Variants in BCKDHB observed in about 807,000 individuals in gnomAD.
BCKDHB encodes 2-oxoisovalerate dehydrogenase subunit beta, mitochondrial.
In BCKDHB, 41 loss-of-function variants were observed where a neutral mutation model predicts 48.5. That is an observed-to-expected ratio of 0.85 (90% confidence interval 0.66 to 1.10). BCKDHB has a LOEUF of 1.10. BCKDHB is among the 50% of genes least tolerant of loss of function. The pLI is 0.00. For missense variants in BCKDHB, 496 were observed against 494.2 expected, an observed-to-expected ratio of 1.00 and a Z score of -0.03; for synonymous variants, 201 against 174.8, an observed-to-expected ratio of 1.15 and a Z score of -1.18.
rs939467268 is a variant in BCKDHB, at chr6:80,198,565, C to T, written c.743-2369C>T. On this transcript the variant is annotated intron_variant, in intron 6 of 9. Coordinates refer to ENST00000320393, the MANE Select transcript of BCKDHB (RefSeq NM_183050.4). ...CAAGGAATAAAATTCACCACTCTAT[C>T]ACCCATAAAGCACCCATTACATTTA... Among the ~76,000 whole-genome samples, 11 of 152,118 alleles carry T rather than the reference C, an allele frequency of 7.2e-5. 1 individual carries two copies. The South Asian group carries it at 1.9e-3, about 26-fold the overall frequency.
chr6:80,436,881 T>C, the BCKDHB span, among the ~76,000 whole-genome samples: 1 of 152,176 alleles, frequency 6.6e-6, no homozygotes, highest in Non-Finnish European at 1.5e-5. Context: ...AAACTACAGG[T>C]TGATTGTCAC....
chr6:80,381,288 G>A, the BCKDHB span, among the ~76,000 whole-genome samples: 2 of 151,892 alleles, frequency 1.3e-5, no homozygotes, highest in Non-Finnish European at 2.9e-5. Flanking sequence ...ACTGCCAAAA[G>A]TTCTATATGC....
intron 8 of BCKDHB, among the ~76,000 whole-genome samples, chr6:80,206,532 C>G (rs1774668430): frequency 6.8e-6 from 1 of 147,182 alleles, no homozygotes; most frequent in African/African-American, 2.6e-5. Context: ...GAGAATTACC[C>G]TAGAAAGTTT....
At chr6:80,400,803 T>A in the BCKDHB span, among the ~76,000 whole-genome samples, 1 of 151,948 alleles carries the variant, frequency 6.6e-6, no homozygotes, top group Non-Finnish European at 1.5e-5. Flanking sequence ...GGCAAACATA[T>A]GGAATCAACC....
At chr6:80,137,391 CTATT>C (rs1337041399) in intron 3 of BCKDHB, among the ~76,000 whole-genome samples, 7 of 152,140 alleles carry the variant, frequency 4.6e-5, no homozygotes, top group Middle Eastern at 3.4e-3. Flanking sequence ...ATTTATTTCT[CTATT>C]TATTTGTTTA....
At chr6:80,268,004 T>C (rs1484412123) in intron 8 of BCKDHB, among the ~76,000 whole-genome samples, 2 of 152,046 alleles carry the variant, frequency 1.3e-5, no homozygotes, top group African/African-American at 4.8e-5. Flanking sequence ...AAAATGGAGT[T>C]TTCAAGACAT....
the BCKDHB span, among the ~76,000 whole-genome samples, chr6:80,359,607 T>C: frequency 1.3e-5 from 2 of 152,178 alleles, no homozygotes; most frequent in African/African-American, 4.8e-5. Flanking sequence ...TGTTTGTTTG[T>C]TTTTTGAGAT....
At chr6:80,107,516 T>TATATATATATATGC (rs1562050463) in intron 1 of BCKDHB, among the ~76,000 whole-genome samples, 2 of 46,574 alleles carry the variant, frequency 4.3e-5, no homozygotes, top group Non-Finnish European at 4.1e-5. Flanking sequence ...TATGTGCGCA[T>TATATATATATATGC]ATATATATAT....
At chr6:80,144,279 G>A (rs1771363959) in intron 3 of BCKDHB, among the ~76,000 whole-genome samples, 1 of 152,168 alleles carries the variant, frequency 6.6e-6, no homozygotes, top group Non-Finnish European at 1.5e-5. Flanking sequence ...CATAAGTCCA[G>A]TAAGGCAACT....
intron 8 of BCKDHB, among the ~76,000 whole-genome samples, chr6:80,218,607 A>AT (rs1196666249): frequency 6.6e-6 from 1 of 151,520 alleles, no homozygotes; most frequent in African/African-American, 2.4e-5. Flanking sequence ...CCTGTATTTT[A>AT]TTTTTTCTAC....
chr6:80,282,611 A>G (rs1766392635), intron 9 of BCKDHB, among the ~76,000 whole-genome samples: 1 of 152,148 alleles, frequency 6.6e-6, no homozygotes, highest in Non-Finnish European at 1.5e-5. Context: ...TAATATTTGC[A>G]TGAATAAAAT....
chr6:80,388,673 C>T, the BCKDHB span, among the ~76,000 whole-genome samples: 12 of 152,178 alleles, frequency 7.9e-5, no homozygotes, highest in Non-Finnish European at 1.6e-4. Flanking sequence ...CTTCTCCTGC[C>T]ACCCTGCCTT....
chr6:80,129,274 T>C (rs1399621212), intron 3 of BCKDHB, 45 bp downstream of exon 3: 1 of 1,481,062 alleles, frequency 6.8e-7, no homozygotes, highest in Non-Finnish European at 9.4e-7. Flanking sequence ...GAACTTTTAC[T>C]AAAAGATCTT....
At chr6:80,366,612 C>A in the BCKDHB span, among the ~76,000 whole-genome samples, 1 of 152,140 alleles carries the variant, frequency 6.6e-6, no homozygotes, top group African/African-American at 2.4e-5. Flanking sequence ...AAAAATCTCC[C>A]ATTTTCTCAT....
chr6:80,379,758 C>T, the BCKDHB span, among the ~76,000 whole-genome samples: 8 of 44,460 alleles, frequency 1.8e-4, no homozygotes, highest in East Asian at 3.4e-3. Context: ...TCTCCGGATA[C>T]GAAATCAATT....
intron 3 of BCKDHB, among the ~76,000 whole-genome samples, chr6:80,151,687 T>A (rs1244296081): frequency 6.6e-6 from 1 of 152,186 alleles, no homozygotes; most frequent in African/African-American, 2.4e-5. Context: ...CCTTCTCTTG[T>A]TTACAAAGGG....
At chr6:80,308,597 CTTT>C (rs34359456) in intron 9 of BCKDHB, among the ~76,000 whole-genome samples, 1 of 138,626 alleles carries the variant, frequency 7.2e-6, no homozygotes, top group Admixed American at 7.2e-5. Flanking sequence ...TCTTCTTCTT[CTTT>C]TTTTTTTTTT....
At chr6:80,434,058 T>C in the BCKDHB span, among the ~76,000 whole-genome samples, 1 of 152,304 alleles carries the variant, frequency 6.6e-6, no homozygotes, top group South Asian at 2.1e-4. Flanking sequence ...GTTAGTTAAT[T>C]GTTTTACTCT....
chr6:80,242,533 T>C lies in BCKDHB; in HGVS notation c.952-30602T>C, dbSNP rs190173693. Among the ~76,000 whole-genome samples, 42 of 152,172 alleles carry C rather than the reference T, an allele frequency of 2.8e-4. No individual in the cohort carries two copies. In the East Asian group the frequency reaches 5.4e-3, roughly 20 times the overall value. On this transcript the variant is annotated intron_variant, in intron 8 of 9. Transcript: ENST00000320393. ...TTTTCTTTAGGAATTTGAAGATTAATTGTTAAGTGACACACACACATACAC... is the reference window on the plus strand; with the variant it reads ...TTTTCTTTAGGAATTTGAAGATTAACTGTTAAGTGACACACACACATACAC...
Sources: gnomAD v4.1 joint callset for allele counts (sites outside exome capture counted in the v4.1 genomes callset) on GRCh38, gnomAD v4.1.1 for gene constraint, MANE v1.5 for transcripts, NCBI Gene and HGNC (gene_info 2026-07-23, HGNC 2026-07-21) for gene names.